CNR2: variants seen among roughly 807,000 people sequenced by gnomAD.
CNR2 encodes cannabinoid receptor 2, also known as cannabinoid receptor 2 (macrophage).
For missense variants in CNR2, 379 were observed against 439.9 expected (o/e 0.86, Z 1.24); for synonymous variants, 172 against 182.2 (o/e 0.94, Z 0.45).
At chr1:23,878,093 A>C (rs1027033579) in intron 1 of CNR2, among the ~76,000 whole-genome samples, 12 of 152,222 alleles carry the variant, frequency 7.9e-5, no homozygotes, top group African/African-American at 2.4e-4. Context: ...ATCTCAGAGG[A>C]GTGTTAGAGA....
intron 1 of CNR2, among the ~76,000 whole-genome samples, chr1:23,875,922 A>G (rs990603293): frequency 2.6e-5 from 4 of 152,104 alleles, no homozygotes; most frequent in African/African-American, 9.7e-5. Context: ...CCATTTTCCA[A>G]AAGACTAATC....
At chr1:23,883,686 A>T (rs1640031539) in intron 1 of CNR2, among the ~76,000 whole-genome samples, 1 of 152,094 alleles carries the variant, frequency 6.6e-6, no homozygotes, top group African/African-American at 2.4e-5. Flanking sequence ...TTAGCCAGGC[A>T]TGGTGGTGTG....
chr1:23,893,005 G>A (rs1175663387), intron 1 of CNR2, among the ~76,000 whole-genome samples: 1 of 152,184 alleles, frequency 6.6e-6, no homozygotes, highest in Non-Finnish European at 1.5e-5. Context: ...GACAGAGCGA[G>A]ACTCTGTCTC....
In CNR2 at chr1:23,872,185, T is replaced by C. The variant is rs1570696107; in HGVS notation, c.*2350A>G. On this transcript the variant is annotated 3_prime_UTR_variant, in exon 2 of 2. Transcript: ENST00000374472. ...ACCAAGAGACACAGAGGAAATGCCA[T>C]ATGAAGACAGAGTCAGAGGTAGGAG... The C allele has an allele frequency of 1.6e-5, 2 of 121,802 alleles. No homozygotes were observed. The highest frequency in any genetic ancestry group is 3.3e-5 in the Non-Finnish European group (2 of 59,778). 7.5% of individuals were successfully genotyped at this position (121,802 alleles called of 1,614,324 possible).
chr1:23,903,748 A>T (rs1419002906), intron 1 of CNR2, among the ~76,000 whole-genome samples: 1 of 152,224 alleles, frequency 6.6e-6, no homozygotes, highest in East Asian at 1.9e-4. Flanking sequence ...CTTCACTTTA[A>T]CAATAGCTAG....
chr1:23,883,417 T>C (rs1557525502), intron 1 of CNR2, among the ~76,000 whole-genome samples: 2 of 152,196 alleles, frequency 1.3e-5, no homozygotes. Flanking sequence ...ATTTTTGAAA[T>C]AGAAGAACAA....
intron 1 of CNR2, among the ~76,000 whole-genome samples, chr1:23,892,324 T>C (rs3003324): frequency 0.82 from 124,638 of 152,134 alleles, 51,165 homozygotes; most frequent in Admixed American, 0.84. Context: ...TTTATTGATA[T>C]AAGGCAAAAT....
At chr1:23,895,861 A>G (rs1640272311) in intron 1 of CNR2, among the ~76,000 whole-genome samples, 4 of 152,092 alleles carry the variant, frequency 2.6e-5, no homozygotes, top group Admixed American at 2.0e-4. Context: ...GATGGAATGC[A>G]TGACTCTGCA....
In CNR2 at chr1:23,875,096, G is replaced by A. The variant is rs764030142; in HGVS notation, c.522C>T (p.Cys174=). Reference sequence around the variant, plus strand: ...AAAGCTCAGAGCAGGGCCTGGGACAGCAAGTCCATCCCATGAGGGGCAGGT... The same window carrying A: ...AAAGCTCAGAGCAGGGCCTGGGACAACAAGTCCATCCCATGAGGGGCAGGT... ...VSYLPLMGWT[C]CPRPCSELFP... Residue 174 remains cysteine (C), a synonymous_variant, in exon 2 of 2, where the codon TGC becomes TGT. Coordinates refer to ENST00000374472, the MANE Select transcript of CNR2 (RefSeq NM_001841.3). 69 of 1,600,250 alleles carry A rather than the reference G, an allele frequency of 4.3e-5. 1 individual carries two copies. In the South Asian group the frequency reaches 7.2e-4, roughly 17 times the overall value.
chr1:23,905,273 C>T (rs183923167), intron 1 of CNR2, among the ~76,000 whole-genome samples: 265 of 151,284 alleles, frequency 1.8e-3, no homozygotes, highest in Non-Finnish European at 2.7e-3. Flanking sequence ...CTCCGCCTCC[C>T]GGGTTCAATC....
chr1:23,899,554 G>T (rs143727745), intron 1 of CNR2, among the ~76,000 whole-genome samples: 1 of 151,454 alleles, frequency 6.6e-6, no homozygotes, highest in East Asian at 2.0e-4. Context: ...GGTAGTTCAC[G>T]CCTGTAATCC....
chr1:23,895,708 TTGGCCAGGA>T (rs1200057210), intron 1 of CNR2, among the ~76,000 whole-genome samples: 1 of 152,092 alleles, frequency 6.6e-6, no homozygotes, highest in Non-Finnish European at 1.5e-5. Flanking sequence ...GGGTTTCATA[TTGGCCAGGA>T]TGGTCTTGAT....
At chr1:23,905,730 C>T (rs560216498) in intron 1 of CNR2, among the ~76,000 whole-genome samples, 29 of 152,150 alleles carry the variant, frequency 1.9e-4, no homozygotes, top group Admixed American at 8.5e-4. Flanking sequence ...CACGGAGAGA[C>T]GAGGAACAGC....
rs145763727 is a variant in CNR2 at position 23,876,326 on chromosome 1, C to A, written c.-45-664G>T. The stretch of plus-strand genomic sequence containing the variant: ...GGCACAAGAGATTCTCCTGCCTCAG[C>A]CTCCCAAGTAGCTGGGACTACAGGC... On this transcript the variant is annotated intron_variant, in intron 1 of 1. Transcript: ENST00000374472. Among the ~76,000 whole-genome samples, 1,324 of 151,742 alleles carry A rather than the reference C, an allele frequency of 8.7e-3. 15 individuals are homozygous for A. The highest frequency in any genetic ancestry group is 0.027 in the African/African-American group (1,109 of 41,356).
intron 1 of CNR2, among the ~76,000 whole-genome samples, chr1:23,881,766 T>C (rs1055855958): frequency 1.3e-5 from 2 of 150,942 alleles, no homozygotes; most frequent in African/African-American, 2.4e-5. Context: ...GGTGCCTGCC[T>C]GTGATTCCAG....
Position 23,871,545 on chromosome 1 carries a change from C to T in CNR2, c.*2990G>A, listed in dbSNP as rs1639765841. On this transcript the variant is annotated 3_prime_UTR_variant, in exon 2 of 2. Coordinates refer to ENST00000374472, the MANE Select transcript of CNR2 (RefSeq NM_001841.3). ...TCCACACATATTGACCAGATCCCTT[C>T]AGATGCTCTGCTGGGTCCTGACTGA... 6.6e-6 allele frequency: 1 copy of T among 152,220 alleles called. No individual in the cohort carries two copies. The highest frequency in any genetic ancestry group is 2.1e-4 in the South Asian group (1 of 4,830). 9.4% of individuals were successfully genotyped at this position (152,220 alleles called of 1,614,324 possible). A position where few individuals can be genotyped will look rare whatever the true frequency, so the allele number is the denominator to read the frequency against.
At chr1:23,891,100 G>A (rs1359268347) in intron 1 of CNR2, among the ~76,000 whole-genome samples, 11 of 151,734 alleles carry the variant, frequency 7.2e-5, no homozygotes, top group African/African-American at 2.4e-4. Flanking sequence ...GCCTGTTCTC[G>A]AACTCCTGAC....
At chr1:23,875,873 A>T (rs147663974) in intron 1 of CNR2, among the ~76,000 whole-genome samples, 1 of 152,132 alleles carries the variant, frequency 6.6e-6, no homozygotes, top group East Asian at 1.9e-4. Context: ...GTACGTGGGA[A>T]TGCAACAAGC....
rs567107086 is a variant in CNR2, at chr1:23,895,090, C to T, written c.-46+18156G>A. ...CAAAAAAATTAACCAGGCATGGTGG[C>T]GTGTGCCTATAATCCCAGCTACTTG... On this transcript the variant is annotated intron_variant, in intron 1 of 1. Transcript: ENST00000374472. Among the ~76,000 whole-genome samples the T allele has an allele frequency of 4.6e-5, 7 of 152,058 alleles. No individual in the cohort carries two copies. The South Asian group carries it at 6.2e-4, about 14-fold the overall frequency.
Sources: allele counts gnomAD v4.1 joint callset (sites outside exome capture counted in the v4.1 genomes callset), GRCh38; gene constraint gnomAD v4.1.1; transcripts MANE v1.5; gene names NCBI Gene and HGNC (gene_info 2026-07-23, HGNC 2026-07-21).